RGPD8: variants seen among roughly 807,000 people sequenced by gnomAD.
The protein encoded by RGPD8 is RANBP2-like and GRIP domain-containing protein 8.
A neutral mutation model predicts 89.1 loss-of-function variants in RGPD8; 15 were observed. The observed-to-expected ratio is 0.17, with a 90% confidence interval of 0.11 to 0.26. The LOEUF (loss-of-function observed/expected upper bound fraction) is 0.26, where lower values mean the gene tolerates loss of function less well. Among genes scored for constraint, RGPD8 ranks in the 10% least tolerant of loss-of-function variants. The pLI is 1.00. For synonymous variants in RGPD8, 62 were observed against 420.9 expected (o/e 0.15, Z 10.44); for missense variants, 178 against 1,179.6 (o/e 0.15, Z 12.44).
intron 22 of RGPD8, among the ~76,000 whole-genome samples, chr2:112,370,432 G>C (rs1488259042): frequency 8.0e-6 from 1 of 124,576 alleles, no homozygotes; most frequent in African/African-American, 3.1e-5. Context: ...GAGTGCAGTG[G>C]CGTGATGAGA....
At chr2:112,381,898 G>A (rs1678314455) in intron 20 of RGPD8, among the ~76,000 whole-genome samples, 2 of 152,424 alleles carry the variant, frequency 1.3e-5, no homozygotes, top group South Asian at 4.1e-4. Context: ...GGTTAATACT[G>A]GGTGTCAACT....
intron 6 of RGPD8, among the ~76,000 whole-genome samples, chr2:112,413,043 T>C (rs1442433177): frequency 3.6e-5 from 4 of 110,142 alleles, no homozygotes; most frequent in Non-Finnish European, 5.2e-5. Flanking sequence ...TATAAGTAAA[T>C]AACTGACAGG....
intron 6 of RGPD8, among the ~76,000 whole-genome samples, chr2:112,415,950 C>T (rs1176385174): frequency 4.6e-5 from 7 of 152,252 alleles, no homozygotes; most frequent in South Asian, 4.1e-4. Flanking sequence ...ATTAGCTGGG[C>T]GTAGTGGTGT....
At chr2:112,415,315 G>A (rs1189181235) in intron 6 of RGPD8, among the ~76,000 whole-genome samples, 2 of 152,214 alleles carry the variant, frequency 1.3e-5, no homozygotes, top group Admixed American at 6.5e-5. Flanking sequence ...AACCTGGGAG[G>A]TTCACAAGGC....
At chr2:112,429,575 G>A (rs1187421048) in intron 1 of RGPD8, among the ~76,000 whole-genome samples, 3 of 152,026 alleles carry the variant, frequency 2.0e-5, no homozygotes, top group African/African-American at 4.8e-5. Context: ...GTGCCTGCCT[G>A]TAGTCCTAAG....
rs575214114 is a variant in RGPD8, at chr2:112,432,570, C to T, written c.72+812G>A. 3 of 985,412 alleles carry T rather than the reference C, an allele frequency of 3.0e-6. No homozygotes were observed. In the East Asian group the frequency reaches 3.4e-4, roughly 112 times the overall value. The allele number at this position is 985,412 out of a possible 1,614,324, so 61.0% of individuals were successfully genotyped here. On this transcript the variant is annotated intron_variant, in intron 1 of 22. Coordinates refer to ENST00000302558, the MANE Select transcript of RGPD8 (RefSeq NM_001164463.1). ...AGCCGCCAAAGCTCACCCGGAGCTGCGTCAGTCCCCACTGGGTTCCTCCAG... is the reference window on the plus strand; with the variant it reads ...AGCCGCCAAAGCTCACCCGGAGCTGTGTCAGTCCCCACTGGGTTCCTCCAG...
At chr2:112,415,647 A>C (rs1440698746) in intron 6 of RGPD8, among the ~76,000 whole-genome samples, 1 of 150,822 alleles carries the variant, frequency 6.6e-6, no homozygotes, top group African/African-American at 2.5e-5. Flanking sequence ...GAAATTGTGA[A>C]GCTTGCAGTG....
Position 112,390,027 on chromosome 2 carries a change from T to C in RGPD8, c.2918A>G (p.Asp973Gly). The C allele has an allele frequency of 1.9e-6, 3 of 1,579,632 alleles. No homozygotes were observed. The highest frequency in any genetic ancestry group is 1.1e-5 in the South Asian group (1 of 89,308). Residue 973 changes from aspartate (D) to glycine (G), a missense_variant, in exon 20 of 23, where the codon GAT (aspartate) becomes GGT (glycine). By Grantham distance (94) the Asp-to-Gly change is moderately conservative (BLOSUM62 -1). Transcript: ENST00000302558. ...GQTSSTFTFA[D>G]VAKSTSGEGF... Reference sequence around the variant, plus strand: ...TTCTCCTGAAGTTGATTTTGCAACATCTGCAAATGTAAAAGTGCTACTTGT... The same window carrying C: ...TTCTCCTGAAGTTGATTTTGCAACACCTGCAAATGTAAAAGTGCTACTTGT...
intron 1 of RGPD8, among the ~76,000 whole-genome samples, chr2:112,431,920 G>C (rs1322327154): frequency 6.6e-6 from 1 of 152,212 alleles, no homozygotes; most frequent in East Asian, 1.9e-4. Context: ...GATTACAGGC[G>C]TGAGCCACTG....
At chr2:112,433,338 G>A in intron 1 of RGPD8, 44 bp downstream of exon 1, 3 of 1,386,362 alleles carry the variant, frequency 2.2e-6, no homozygotes, top group South Asian at 1.3e-5. Context: ...GGCCGCCGCC[G>A]CCCGGCCGGG....
At chr2:112,373,049 C>T (rs1194309321) in intron 22 of RGPD8, among the ~76,000 whole-genome samples, 4 of 146,560 alleles carry the variant, frequency 2.7e-5, no homozygotes, top group Non-Finnish European at 4.4e-5. Context: ...ACTTTTACTT[C>T]CAGCTTTAGT....
intron 6 of RGPD8, among the ~76,000 whole-genome samples, chr2:112,414,528 C>T (rs1429840264): frequency 9.5e-6 from 1 of 105,428 alleles, no homozygotes; most frequent in Non-Finnish European, 1.9e-5. Context: ...GGGCTTATTA[C>T]ATTTTTAATG....
At chr2:112,376,629 C>T (rs1474405010) in intron 22 of RGPD8, among the ~76,000 whole-genome samples, 201 of 150,838 alleles carry the variant, frequency 1.3e-3, no homozygotes, top group Non-Finnish European at 1.8e-3. Flanking sequence ...TCCTGGCCAA[C>T]ATGGTGAAAC....
chr2:112,415,948 G>C (rs1420052655), intron 6 of RGPD8, among the ~76,000 whole-genome samples: 2 of 152,216 alleles, frequency 1.3e-5, no homozygotes, highest in Non-Finnish European at 2.9e-5. Flanking sequence ...AAATTAGCTG[G>C]GCGTAGTGGT....
chr2:112,409,738 C>T (rs1433959543), intron 7 of RGPD8, among the ~76,000 whole-genome samples: 5 of 144,712 alleles, frequency 3.5e-5, no homozygotes, highest in East Asian at 4.0e-4. Context: ...CCCAGGAGTT[C>T]GAGGATGCAG....
chr2:112,404,945 C>CA (rs1450836307), intron 8 of RGPD8, among the ~76,000 whole-genome samples: 6 of 152,224 alleles, frequency 3.9e-5, no homozygotes, highest in Admixed American at 2.0e-4. Context: ...AGTAAGCAAT[C>CA]AAAAAATCAT....
intron 1 of RGPD8, among the ~76,000 whole-genome samples, chr2:112,431,832 G>A (rs1214956764): frequency 6.6e-6 from 1 of 152,124 alleles, no homozygotes; most frequent in African/African-American, 2.4e-5. Flanking sequence ...TAGAGACAAG[G>A]TTTCAACATG....
intron 1 of RGPD8, among the ~76,000 whole-genome samples, chr2:112,424,760 T>C (rs1479240124): frequency 6.7e-6 from 1 of 149,780 alleles, no homozygotes. Flanking sequence ...ATCATCATCA[T>C]CATCATCATA....
In RGPD8 at chr2:112,390,209, T is replaced by C. The variant is rs1374752403; in HGVS notation, c.2736A>G (p.Gly912=). Reference sequence around the variant, plus strand: ...CATCAGCAGACACAGGGATGGAAAATCCTTCTTTGGTTGACTTAAATTCTG... The same window carrying C: ...CATCAGCAGACACAGGGATGGAAAACCCTTCTTTGGTTGACTTAAATTCTG... The part of the protein sequence containing the change: ...SNTEFKSTKE[G]FSIPVSADGF... Residue 912 remains glycine (G), a synonymous_variant, in exon 20 of 23, where the codon GGA becomes GGG. Transcript: ENST00000302558. 1 of 1,573,162 alleles carries C rather than the reference T, an allele frequency of 6.4e-7. No homozygotes were observed. Among genetic ancestry groups the C allele is most frequent in the Non-Finnish European group, 8.7e-7 (1 of 1,154,598 alleles).
Sources: allele counts gnomAD v4.1 joint callset (sites outside exome capture counted in the v4.1 genomes callset), GRCh38; gene constraint gnomAD v4.1.1; transcripts MANE v1.5; gene names NCBI Gene and HGNC (gene_info 2026-07-23, HGNC 2026-07-21).